Variants in KCNIP4 observed in about 807,000 individuals in gnomAD.
The protein encoded by KCNIP4 is Kv channel-interacting protein 4.
KCNIP4 carries 12 observed loss-of-function variants against 34.0 expected under a neutral mutation model. The ratio of observed to expected loss-of-function variants is 0.35; its 90% CI spans 0.23 to 0.57. The LOEUF is 0.57. Ranked by LOEUF, KCNIP4 falls within the 20% of genes least tolerant of loss-of-function variation. KCNIP4 has a pLI of 0.83. For missense variants in KCNIP4, 238 were observed against 311.7 expected (o/e 0.76, Z 1.78); for synonymous variants, 124 against 102.2 (o/e 1.21, Z -1.29).
chr4:21,310,718 G>A (rs1036503535), intron 1 of KCNIP4, among the ~76,000 whole-genome samples: 7 of 151,750 alleles, frequency 4.6e-5, no homozygotes, highest in African/African-American at 1.5e-4. Flanking sequence ...TGCAAGCTCC[G>A]CCTCCGAGGT....
At chr4:21,650,316 T>G (rs1171072247) in intron 1 of KCNIP4, among the ~76,000 whole-genome samples, 2 of 152,242 alleles carry the variant, frequency 1.3e-5, no homozygotes, top group Admixed American at 1.3e-4. Flanking sequence ...GTATATCATA[T>G]GGTGTTTGTT....
At chr4:21,780,987 T>C (rs1373494716) in intron 1 of KCNIP4, among the ~76,000 whole-genome samples, 1 of 152,118 alleles carries the variant, frequency 6.6e-6, no homozygotes, top group Non-Finnish European at 1.5e-5. Flanking sequence ...GTGTCTCTTC[T>C]AAGAACACCA....
intron 1 of KCNIP4, among the ~76,000 whole-genome samples, chr4:20,974,168 C>A (rs1030047974): frequency 6.6e-6 from 1 of 152,108 alleles, no homozygotes; most frequent in Non-Finnish European, 1.5e-5. Flanking sequence ...CTGTGTTATG[C>A]CTGTATCATT....
intron 1 of KCNIP4, among the ~76,000 whole-genome samples, chr4:21,365,824 C>A (rs1449752598): frequency 6.6e-6 from 1 of 152,154 alleles, no homozygotes; most frequent in East Asian, 1.9e-4. Context: ...TGTTCATATT[C>A]CAGTTTTAAG....
chr4:21,605,376 T>C (rs1392361799), intron 1 of KCNIP4, among the ~76,000 whole-genome samples: 1 of 152,234 alleles, frequency 6.6e-6, no homozygotes, highest in Admixed American at 6.5e-5. Flanking sequence ...AGTGAGTCCT[T>C]ATTGAGGATC....
At chr4:20,987,476 A>C (rs79196580) in intron 1 of KCNIP4, among the ~76,000 whole-genome samples, 3,702 of 152,218 alleles carry the variant, frequency 0.024, 158 homozygotes, top group African/African-American at 0.085. Flanking sequence ...GCACCATACT[A>C]TGTAGTTTAC....
chr4:21,021,073 C>T (rs1054297030), intron 1 of KCNIP4, among the ~76,000 whole-genome samples: 1 of 152,152 alleles, frequency 6.6e-6, no homozygotes. Context: ...CACACCTACA[C>T]GATGTGATAT....
At position 20,882,630 on chromosome 4, in the gene KCNIP4, T is replaced by A. The variant is rs1264941409; in HGVS notation, c.141A>T (p.Lys47Asn). Reference protein sequence around the residue: ...LMKLLPCSAAKTSSPAIQNSV... With the variant: ...LMKLLPCSAANTSSPAIQNSV... ...TGCTTTGAATAGCAGGAGACGACGTTTTGGCAGCTGAGCAGGGCAAGAGCT... is the reference window on the plus strand; with the variant it reads ...TGCTTTGAATAGCAGGAGACGACGTATTGGCAGCTGAGCAGGGCAAGAGCT... Residue 47 changes from lysine (K) to asparagine (N), a missense_variant, in exon 2 of 9, where the codon AAA (lysine) becomes AAT (asparagine). Coordinates refer to ENST00000382152, the MANE Select transcript of KCNIP4 (RefSeq NM_025221.6). 1 of 1,613,146 alleles carries A rather than the reference T, an allele frequency of 6.2e-7. No individual in the cohort carries two copies. The highest frequency in any genetic ancestry group is 8.5e-7 in the Non-Finnish European group (1 of 1,179,756).
At chr4:21,404,847 CT>C (rs1455940846) in intron 1 of KCNIP4, among the ~76,000 whole-genome samples, 6 of 152,186 alleles carry the variant, frequency 3.9e-5, no homozygotes, top group Admixed American at 2.0e-4. Flanking sequence ...GGTAACTACA[CT>C]ATGACATTAG....
intron 1 of KCNIP4, among the ~76,000 whole-genome samples, chr4:20,989,786 TG>T (rs1736918623): frequency 6.6e-6 from 1 of 152,004 alleles, no homozygotes; most frequent in Non-Finnish European, 1.5e-5. Context: ...CCGGGCAACA[TG>T]GAGAAACCCT....
chr4:20,766,663 A>G (rs1456917638), intron 3 of KCNIP4: 3 of 152,272 alleles, frequency 2.0e-5, no homozygotes, highest in Admixed American at 1.3e-4. Context: ...TAAGGAGGTT[A>G]TAGGAACTGA....
chr4:21,478,825 A>G (rs111794068), intron 1 of KCNIP4, among the ~76,000 whole-genome samples: 6 of 152,154 alleles, frequency 3.9e-5, no homozygotes, highest in African/African-American at 1.2e-4. Flanking sequence ...AGAGCATTTT[A>G]CTAGTATGTT....
At chr4:21,940,579 A>T (rs1461296333) in intron 1 of KCNIP4, among the ~76,000 whole-genome samples, 2 of 152,126 alleles carry the variant, frequency 1.3e-5, no homozygotes, top group Non-Finnish European at 2.9e-5. Context: ...TCCCAATACT[A>T]AGTAGTTTCT....
intron 1 of KCNIP4, among the ~76,000 whole-genome samples, chr4:21,877,288 G>A (rs935559179): frequency 3.5e-4 from 54 of 152,168 alleles, no homozygotes; most frequent in African/African-American, 1.2e-3. Flanking sequence ...GAGAGATGGA[G>A]GTTGCAGTGA....
At chr4:21,299,064 A>G (rs993052107) in intron 1 of KCNIP4, among the ~76,000 whole-genome samples, 1 of 152,134 alleles carries the variant, frequency 6.6e-6, no homozygotes, top group African/African-American at 2.4e-5. Context: ...AAGTTTTCTT[A>G]TATCTAAAGC....
chr4:21,307,135 G>A (rs1023779342), intron 1 of KCNIP4, among the ~76,000 whole-genome samples: 3 of 152,240 alleles, frequency 2.0e-5, no homozygotes, highest in African/African-American at 4.8e-5. Flanking sequence ...GTGCCGGGCC[G>A]GCAGGAACTA....
chr4:21,577,063 C>A (rs1237161959), intron 1 of KCNIP4, among the ~76,000 whole-genome samples: 2 of 151,860 alleles, frequency 1.3e-5, no homozygotes, highest in Non-Finnish European at 2.9e-5. Flanking sequence ...TAATAAATAC[C>A]ACCCCATAAA....
chr4:20,956,174 T>C (rs77946542), intron 1 of KCNIP4, among the ~76,000 whole-genome samples: 6 of 152,230 alleles, frequency 3.9e-5, no homozygotes, highest in Admixed American at 1.3e-4. Flanking sequence ...CAGTATTCAA[T>C]TGAATTACCC....
intron 1 of KCNIP4, among the ~76,000 whole-genome samples, chr4:21,146,576 C>T (rs1577781941): frequency 6.6e-6 from 1 of 152,274 alleles, no homozygotes; most frequent in Middle Eastern, 3.4e-3. Flanking sequence ...ATCTTCCTGT[C>T]ACTTTATGTC....
Sources: allele counts gnomAD v4.1 joint callset (sites outside exome capture counted in the v4.1 genomes callset), GRCh38; gene constraint gnomAD v4.1.1; transcripts MANE v1.5; gene names NCBI Gene and HGNC (gene_info 2026-07-23, HGNC 2026-07-21).